ZMYM1: variants seen among roughly 807,000 people sequenced by gnomAD.
The protein encoded by ZMYM1 is zinc finger MYM-type containing 1.
In ZMYM1, 39 loss-of-function variants were observed where a neutral mutation model predicts 60.0. The observed-to-expected ratio is 0.65, with a 90% confidence interval of 0.50 to 0.85. ZMYM1 has a LOEUF of 0.85. Ranked by LOEUF, ZMYM1 falls within the 40% of genes least tolerant of loss-of-function variation. The pLI, the probability that ZMYM1 is intolerant of heterozygous loss-of-function variation, is 0.00. For synonymous variants in ZMYM1, 413 were observed against 454.0 expected, an observed-to-expected ratio of 0.91 and a Z score of 1.15; for missense variants, 1,171 against 1,309.5, an observed-to-expected ratio of 0.89 and a Z score of 1.63.
chr1:35,060,722 G>A (rs1641858629), intron 1 of ZMYM1, among the ~76,000 whole-genome samples: 1 of 152,198 alleles, frequency 6.6e-6, no homozygotes, highest in South Asian at 2.1e-4. Context: ...CCCTGAGGCT[G>A]GAGCAAGATC....
downstream of ZMYM1, among the ~76,000 whole-genome samples, chr1:35,118,632 G>A (rs557426611): frequency 3.1e-3 from 474 of 151,738 alleles, 1 homozygote; most frequent in African/African-American, 9.4e-3. Flanking sequence ...GCGTGAACCC[G>A]GGAGGCGGAG....
At chr1:35,077,452 C>A (rs749794749), upstream of ZMYM1, among the ~76,000 whole-genome samples, 1 of 152,138 alleles carries the variant, frequency 6.6e-6, no homozygotes, top group African/African-American at 2.4e-5. Flanking sequence ...GACTAGACTG[C>A]CTTTATAAGA....
At chr1:35,082,266 T>TG (rs1318613648) in intron 1 of ZMYM1, among the ~76,000 whole-genome samples, 1 of 147,636 alleles carries the variant, frequency 6.8e-6, no homozygotes, top group Non-Finnish European at 1.5e-5. Flanking sequence ...GGGGGTGAGT[T>TG]GGGGGAGGTT....
At chr1:35,118,241 C>CAAA (rs11364403), downstream of ZMYM1, among the ~76,000 whole-genome samples, 1 of 100,154 alleles carries the variant, frequency 1.0e-5, no homozygotes, top group Non-Finnish European at 2.0e-5. Flanking sequence ...AACTCCGTCT[C>CAAA]AAAAAAAAAA....
chr1:35,112,263 T>A (rs1431638009), intron 9 of ZMYM1, 133 bp downstream of exon 9: 2 of 817,112 alleles, frequency 2.4e-6, no homozygotes, highest in African/African-American at 3.5e-5. Flanking sequence ...CTGCAACCTT[T>A]GCCTCCTGGG....
upstream of ZMYM1, among the ~76,000 whole-genome samples, chr1:35,078,588 G>A (rs1006878768): frequency 8.6e-6 from 1 of 115,806 alleles, no homozygotes; most frequent in Non-Finnish European, 1.6e-5. Flanking sequence ...TCTCTCTGTC[G>A]CTCAGGCTGA....
chr1:35,112,043 G>C (rs1289283368), intron 8 of ZMYM1, 44 bp from the exon 9 acceptor site: 1 of 1,596,756 alleles, frequency 6.3e-7, no homozygotes, highest in East Asian at 2.2e-5. Context: ...CTATTTTATA[G>C]GTTATAGTAT....
At chr1:35,075,776 T>G (rs902464483), upstream of ZMYM1, among the ~76,000 whole-genome samples, 1 of 152,190 alleles carries the variant, frequency 6.6e-6, no homozygotes, top group African/African-American at 2.4e-5. Flanking sequence ...GGAACAACTA[T>G]CATTAATGGA....
chr1:35,068,432 A>AAG (rs1553136296), intron 1 of ZMYM1, among the ~76,000 whole-genome samples: 5 of 150,270 alleles, frequency 3.3e-5, no homozygotes, highest in African/African-American at 1.2e-4. Flanking sequence ...AAAAAAAAAA[A>AAG]AAGAAAAGAA....
chr1:35,108,231 T>C (rs1229256822), intron 6 of ZMYM1, among the ~76,000 whole-genome samples: 1 of 152,262 alleles, frequency 6.6e-6, no homozygotes, highest in Non-Finnish European at 1.5e-5. Flanking sequence ...AGGATAAAAA[T>C]AGAAATTTTC....
upstream of ZMYM1, among the ~76,000 whole-genome samples, chr1:35,078,710 G>C (rs1253822245): frequency 1.3e-5 from 2 of 151,668 alleles, no homozygotes; most frequent in Non-Finnish European, 2.9e-5. Context: ...CTCCATGCCC[G>C]GCTAATTTCT....
chr1:35,095,824 T>C lies in ZMYM1; in HGVS notation c.102T>C (p.Tyr34=). Residue 34 remains tyrosine, a synonymous_variant, in exon 3 of 10, where the codon TAT becomes TAC. Transcript: ENST00000359858. ...IKTEPDNAQE[Y]CHRQQSRTQE... is the part of the protein sequence containing the mutation. The stretch of plus-strand genomic sequence containing the variant: ...TATTTTTTTTTTCTTTTTAGGAGTA[T>C]TGTCATAGGCAACAGTCCAGAACTC... 4 of 1,594,362 alleles carry C rather than the reference T, an allele frequency of 2.5e-6. No homozygotes were observed. Among genetic ancestry groups the C allele is most frequent in the Non-Finnish European group, 3.4e-6 (4 of 1,171,650 alleles).
intron 7 of ZMYM1, among the ~76,000 whole-genome samples, chr1:35,111,173 A>G (rs1049095337): frequency 1.3e-5 from 2 of 152,212 alleles, no homozygotes; most frequent in African/African-American, 4.8e-5. Flanking sequence ...CACATGAAAT[A>G]GAAGTGATTG....
Position 35,115,784 on chromosome 1 carries a change from A to T in ZMYM1, c.*525A>T, listed in dbSNP as rs554518251. 1 of 152,506 alleles carries T rather than the reference A, an allele frequency of 6.6e-6. No individual in the cohort carries two copies. Among genetic ancestry groups the T allele is most frequent in the African/African-American group, 2.4e-5 (1 of 41,594 alleles). 9.4% of individuals were successfully genotyped at this position (152,506 alleles called of 1,614,324 possible). Reference sequence around the variant, plus strand: ...GATAGATATTGGCAAGTTGCCATCTATAAGGATTGTGCCAGTTTACAGTCC... The same window carrying T: ...GATAGATATTGGCAAGTTGCCATCTTTAAGGATTGTGCCAGTTTACAGTCC... On this transcript the variant is annotated 3_prime_UTR_variant, in exon 10 of 10. Transcript: ENST00000359858.
At chr1:35,111,288 C>A (rs985921156) in intron 7 of ZMYM1, among the ~76,000 whole-genome samples, 3 of 152,104 alleles carry the variant, frequency 2.0e-5, no homozygotes, top group Admixed American at 2.0e-4. Flanking sequence ...TTACATAGAC[C>A]ATAGAGTGAC....
rs1485197797 is a variant in ZMYM1 at position 35,114,039 on chromosome 1, G to A, written c.2209G>A (p.Glu737Lys). 1.0e-5 allele frequency: 16 copies of A among 1,605,214 alleles called. No individual in the cohort carries two copies. The East Asian group carries it at 3.3e-4, about 34-fold the overall frequency. The part of the protein sequence containing the change: ...NKIAAEFKKE[E>K]PRALYIHCYA... Reference sequence around the variant, plus strand: ...AATAGCAGCAGAATTCAAGAAAGAAGAACCAAGAGCTTTATACATACATTG... The same window carrying A: ...AATAGCAGCAGAATTCAAGAAAGAAAAACCAAGAGCTTTATACATACATTG... Residue 737 changes from glutamate (E) to lysine (K), a missense_variant, in exon 10 of 10, where the codon GAA becomes AAA. Physicochemically the swap from Glu to Lys is moderately conservative, Grantham distance 56. Transcript: ENST00000359858.
intron 6 of ZMYM1, among the ~76,000 whole-genome samples, chr1:35,108,437 C>T (rs1225253697): frequency 1.3e-5 from 2 of 151,936 alleles, no homozygotes; most frequent in South Asian, 2.1e-4. Context: ...CTGCAACCTC[C>T]GCCTCCCAGG....
At chr1:35,108,122 A>G (rs1392608178) in intron 6 of ZMYM1, among the ~76,000 whole-genome samples, 4 of 152,154 alleles carry the variant, frequency 2.6e-5, no homozygotes, top group Admixed American at 2.0e-4. Context: ...AAAAATAAAT[A>G]AATAAATAAA....
intron 1 of ZMYM1, among the ~76,000 whole-genome samples, chr1:35,073,322 A>T (rs553959963): frequency 8.3e-6 from 1 of 121,080 alleles, no homozygotes; most frequent in Non-Finnish European, 1.7e-5. Flanking sequence ...AGAAAAAAAG[A>T]AAGGGAGAAA....
Sources: gnomAD v4.1 joint callset for allele counts (sites outside exome capture counted in the v4.1 genomes callset) on GRCh38, gnomAD v4.1.1 for gene constraint, MANE v1.5 for transcripts, NCBI Gene and HGNC (gene_info 2026-07-23, HGNC 2026-07-21) for gene names.